The following IKBKB variants were observed in gnomAD, a reference collection of about 807,000 sequenced individuals.
IKBKB encodes the protein inhibitor of nuclear factor kappa B kinase subunit beta.
In IKBKB, 42 loss-of-function variants were observed where a neutral mutation model predicts 113.6. That is an observed-to-expected ratio of 0.37 (90% CI 0.29 to 0.48). The LOEUF (loss-of-function observed/expected upper bound fraction) is 0.48. IKBKB is among the 20% of genes least tolerant of loss of function. The pLI, the probability that IKBKB is intolerant of heterozygous loss-of-function variation, is 0.99. For missense variants in IKBKB, 673 were observed against 939.7 expected, an observed-to-expected ratio of 0.72 and a Z score of 3.71; for synonymous variants, 296 against 361.3, an observed-to-expected ratio of 0.82 and a Z score of 2.05.
At chr8:42,291,371 A>G (rs914922118) in intron 4 of IKBKB, among the ~76,000 whole-genome samples, 2 of 152,162 alleles carry the variant, frequency 1.3e-5, no homozygotes, top group African/African-American at 2.4e-5. Context: ...TAGTAGAGGC[A>G]GGGTTTCGCC....
At chr8:42,290,371 A>G in intron 4 of IKBKB, 98 bp downstream of exon 4, 1 of 783,844 alleles carries the variant, frequency 1.3e-6, no homozygotes, top group Non-Finnish European at 2.1e-6. Context: ...ATCATCAGGA[A>G]GCTTGGGGAG....
intron 16 of IKBKB, 195 bp from the exon 17 acceptor site, chr8:42,321,701 A>G: frequency 3.7e-6 from 2 of 534,416 alleles, no homozygotes; most frequent in South Asian, 5.5e-5. Context: ...TAAAAAAAAA[A>G]TGTTTTTGGC....
chr8:42,295,663 T>A (rs1199619894), intron 5 of IKBKB, among the ~76,000 whole-genome samples: 1 of 151,976 alleles, frequency 6.6e-6, no homozygotes, highest in Non-Finnish European at 1.5e-5. Flanking sequence ...GGCGGAGAGG[T>A]TGCAGTAAGC....
chr8:42,298,708 T>C lies in IKBKB; in HGVS notation c.388+5196T>C, dbSNP rs569323695. On this transcript the variant is annotated intron_variant, in intron 5 of 21. Coordinates refer to ENST00000520810, the MANE Select transcript of IKBKB (RefSeq NM_001556.3). ...CTAGAGCCTTGGGCGAGGCATGGAA[T>C]GTCATGGCCGCAGCGTCCCCTTCTT... 4.1e-3 allele frequency among the ~76,000 whole-genome samples: 624 copies of C among 152,290 alleles called. 4 individuals are homozygous for C. Among genetic ancestry groups the C allele is most frequent in the African/African-American group, 0.015 (605 of 41,556 alleles).
chr8:42,307,131 C>G (rs1053430287), intron 7 of IKBKB, among the ~76,000 whole-genome samples: 5 of 151,988 alleles, frequency 3.3e-5, no homozygotes, highest in Non-Finnish European at 7.4e-5. Context: ...CAGGGTGTTG[C>G]AAGAATATAT....
At position 42,314,007 on chromosome 8, in the gene IKBKB, A is replaced by G. The variant is rs111786423; in HGVS notation, c.693-315A>G. ...GACATCCCAGTCAACAATTGACTGC[A>G]TAGATGACAGTGGTCTCATGAGATT... On this transcript the variant is annotated intron_variant, in intron 8 of 21. Coordinates refer to ENST00000520810, the MANE Select transcript of IKBKB (RefSeq NM_001556.3). 71 of 269,204 alleles carry G rather than the reference A, an allele frequency of 2.6e-4. 2 individuals are homozygous for G. Among genetic ancestry groups the G allele is most frequent in the African/African-American group, 1.4e-3 (62 of 45,624 alleles). The allele number at this position is 269,204 out of a possible 1,614,324, so 16.7% of individuals were successfully genotyped here. A position where few individuals can be genotyped will look rare whatever the true frequency, so the allele number is the denominator to read the frequency against.
intron 2 of IKBKB, among the ~76,000 whole-genome samples, chr8:42,286,790 C>T (rs1215182698): frequency 6.6e-6 from 1 of 152,200 alleles, no homozygotes; most frequent in East Asian, 1.9e-4. Flanking sequence ...CAGAAATTGG[C>T]CTAACAGGGC....
At chr8:42,321,688 A>AT (rs949000735) in intron 16 of IKBKB, 1 of 526,624 alleles carries the variant, frequency 1.9e-6, no homozygotes, top group African/African-American at 1.9e-5. Flanking sequence ...TGCTCAGCTA[A>AT]TTTAAAAAAA....
At chr8:42,286,910 G>A (rs1008045815) in intron 2 of IKBKB, among the ~76,000 whole-genome samples, 1 of 152,212 alleles carries the variant, frequency 6.6e-6, no homozygotes, top group Non-Finnish European at 1.5e-5. Flanking sequence ...TTGCCCAGGT[G>A]TGTGTGCGGG....
chr8:42,291,108 A>G (rs1177517988), intron 4 of IKBKB, among the ~76,000 whole-genome samples: 2 of 152,236 alleles, frequency 1.3e-5, no homozygotes, highest in African/African-American at 4.8e-5. Flanking sequence ...ACACAGACCC[A>G]GCTGCAGGCC....
At chr8:42,286,780 C>T (rs1321579425) in intron 2 of IKBKB, among the ~76,000 whole-genome samples, 2 of 152,194 alleles carry the variant, frequency 1.3e-5, no homozygotes, top group Non-Finnish European at 2.9e-5. Flanking sequence ...ACTGAGAAAA[C>T]AGAAATTGGC....
chr8:42,309,202 C>T (rs866484045), intron 8 of IKBKB, among the ~76,000 whole-genome samples, 177 bp downstream of exon 8: 6 of 152,312 alleles, frequency 3.9e-5, no homozygotes, highest in Middle Eastern at 3.4e-3. Flanking sequence ...GCTCCAAGGA[C>T]CTGTTAATAG....
chr8:42,294,715 T>G (rs937198862), intron 5 of IKBKB, among the ~76,000 whole-genome samples: 1 of 152,242 alleles, frequency 6.6e-6, no homozygotes, highest in African/African-American at 2.4e-5. Context: ...TTTATTTGAC[T>G]CGAATGAGCA....
intron 3 of IKBKB, among the ~76,000 whole-genome samples, chr8:42,289,208 C>T (rs1812060931): frequency 6.6e-6 from 1 of 152,036 alleles, no homozygotes; most frequent in Non-Finnish European, 1.5e-5. Context: ...GAGCGAGACT[C>T]CGTCTAAAAA....
At chr8:42,317,030 G>C (rs748349114) in intron 11 of IKBKB, 126 bp downstream of exon 11, 1 of 946,124 alleles carries the variant, frequency 1.1e-6, no homozygotes, top group South Asian at 1.4e-5. Flanking sequence ...GCGGATACCT[G>C]GCTGGTTTTT....
At chr8:42,306,476 C>T (rs1349255203) in intron 7 of IKBKB, 44 bp downstream of exon 7, 2 of 1,291,546 alleles carry the variant, frequency 1.5e-6, no homozygotes, top group Admixed American at 3.4e-5. Flanking sequence ...CTCCTCCCTG[C>T]TGCTGCATTT....
chr8:42,282,003 T>C (rs1040140748), intron 2 of IKBKB, among the ~76,000 whole-genome samples: 4 of 152,192 alleles, frequency 2.6e-5, no homozygotes, highest in African/African-American at 9.7e-5. Flanking sequence ...GAGGATGTGC[T>C]CCCCCTCTGC....
chr8:42,321,931 G>A lies in IKBKB; in HGVS notation c.1724G>A (p.Arg575Lys), dbSNP rs1339161742. ...GCAAGGGAGCTGTACAGGAGACTAAGGGAAAAACCTCGAGGTAAGTGGGGT... is the reference window on the plus strand; with the variant it reads ...GCAAGGGAGCTGTACAGGAGACTAAAGGAAAAACCTCGAGGTAAGTGGGGT... The part of the protein sequence containing the change: ...EQARELYRRL[R>K]EKPRDQRTEG... The change falls in exon 17 of 22, where the codon AGG becomes AAG. Residue 575 changes from arginine (R) to lysine (K), a missense_variant. Arg to Lys is a conservative substitution (Grantham distance 26). This residue lies in a region of IKBKB where 506 missense variants were observed against 638.7 expected (regional missense o/e 0.79). Coordinates refer to ENST00000520810, the MANE Select transcript of IKBKB (RefSeq NM_001556.3). 1 of 1,613,436 alleles carries A rather than the reference G, an allele frequency of 6.2e-7. No homozygotes were observed. The highest frequency in any genetic ancestry group is 8.5e-7 in the Non-Finnish European group (1 of 1,179,612).
chr8:42,313,049 C>T (rs1455847564), intron 8 of IKBKB, among the ~76,000 whole-genome samples: 2 of 152,178 alleles, frequency 1.3e-5, no homozygotes, highest in African/African-American at 2.4e-5. Flanking sequence ...ATGGGCCTGT[C>T]ACGGCAATAA....
Sources: gnomAD v4.1 joint callset for allele counts (sites outside exome capture counted in the v4.1 genomes callset) on GRCh38, gnomAD v4.1.1 for gene constraint, gnomAD v4.1.1 regional missense constraint, MANE v1.5 for transcripts, NCBI Gene and HGNC (gene_info 2026-07-23, HGNC 2026-07-21) for gene names.